FXYD1: variants seen among roughly 807,000 people sequenced by gnomAD.
The protein encoded by FXYD1 is FXYD domain containing ion transport regulator 1, also known as phospholemman.
A neutral mutation model predicts 17.2 loss-of-function variants in FXYD1; 9 were observed. The observed-to-expected ratio is 0.52, with a 90% confidence interval of 0.32 to 0.91. FXYD1 has a LOEUF of 0.91. Ranked by LOEUF, FXYD1 falls within the 40% of genes least tolerant of loss-of-function variation. The pLI is 0.04. For synonymous variants in FXYD1, 55 were observed against 45.8 expected (o/e 1.20, Z -0.81); for missense variants, 113 against 120.6 (o/e 0.94, Z 0.29).
Position 35,141,525 on chromosome 19 carries a change from C to G in FXYD1, c.170-11C>G. ...GGAGCCTCAGCTTCTCCTACCTCTC[C>G]ACGCCCACAGGCAGAAGATGCCGGT... is the stretch of plus-strand genomic sequence containing the variant. On this transcript the variant is annotated splice_polypyrimidine_tract_variant and intron_variant, in intron 4 of 7. Coordinates refer to ENST00000351325, the MANE Select transcript of FXYD1 (RefSeq NM_021902.4). The G allele has an allele frequency of 6.2e-7, 1 of 1,608,702 alleles. No individual in the cohort carries two copies. The highest frequency in any genetic ancestry group is 8.5e-7 in the Non-Finnish European group (1 of 1,177,450).
upstream of FXYD1, chr19:35,137,831 G>C (rs572336609): frequency 6.6e-6 from 1 of 152,180 alleles, no homozygotes; most frequent in African/African-American, 2.4e-5. Context: ...AGCTCTCGTC[G>C]GGTTGGCCAG....
chr19:35,142,717 C>A lies in FXYD1; in HGVS notation c.257-3C>A, dbSNP rs751206657. On this transcript the variant is annotated splice_region_variant and splice_polypyrimidine_tract_variant and intron_variant, in intron 6 of 7. Coordinates refer to ENST00000351325, the MANE Select transcript of FXYD1 (RefSeq NM_021902.4). The stretch of plus-strand genomic sequence containing the variant: ...TGACCCCCGATCTCCGTGTTCCCCC[C>A]AGGTCTGTCCACCCGCAGGCGGTAG... 6 of 1,613,644 alleles carry A rather than the reference C, an allele frequency of 3.7e-6. No homozygotes were observed. Among genetic ancestry groups the A allele is most frequent in the Admixed American group, 1.7e-5 (1 of 59,990 alleles).
Position 35,140,064 on chromosome 19 carries a change from T to C in FXYD1, c.-4-12T>C, listed in dbSNP as rs1324691177. On this transcript the variant is annotated splice_polypyrimidine_tract_variant and intron_variant, in intron 1 of 7. Coordinates refer to ENST00000351325, the MANE Select transcript of FXYD1 (RefSeq NM_021902.4). Reference sequence around the variant, plus strand: ...AGGGCACACACTGCCTAATCCGTGGTGTCCCCCCCAGGACAATGGCGTCTC... The same window carrying C: ...AGGGCACACACTGCCTAATCCGTGGCGTCCCCCCCAGGACAATGGCGTCTC... 6.2e-7 allele frequency: 1 copy of C among 1,611,722 alleles called. No individual in the cohort carries two copies. The highest frequency in any genetic ancestry group is 2.2e-5 in the East Asian group (1 of 44,890).
upstream of FXYD1, among the ~76,000 whole-genome samples, chr19:35,137,239 A>T (rs1448446276): frequency 1.3e-5 from 2 of 152,186 alleles, no homozygotes; most frequent in Non-Finnish European, 2.9e-5. Flanking sequence ...GGGCCATTCC[A>T]GGTTTCCCTG....
chr19:35,141,659 C>A, intron 5 of FXYD1, 87 bp downstream of exon 5: 1 of 1,060,662 alleles, frequency 9.4e-7, no homozygotes, highest in Non-Finnish European at 1.4e-6. Flanking sequence ...GACCCGCAGC[C>A]CGATCCCCGT....
rs1045007892 is a variant in FXYD1 at position 35,142,995 on chromosome 19, C to T, written c.*108C>T. On this transcript the variant is annotated 3_prime_UTR_variant, in exon 8 of 8. Transcript: ENST00000351325. Reference sequence around the variant, plus strand: ...CTCCGCCGCCCCTTCCCCAGCCCTGCCCCCGCAGACTCCCCCTGCCGCCAA... The same window carrying T: ...CTCCGCCGCCCCTTCCCCAGCCCTGTCCCCGCAGACTCCCCCTGCCGCCAA... The T allele has an allele frequency of 1.7e-6, 1 of 576,024 alleles. No individual in the cohort carries two copies. The highest frequency in any genetic ancestry group is 3.1e-6 in the Non-Finnish European group (1 of 325,128). 35.7% of individuals were successfully genotyped at this position (576,024 alleles called of 1,614,324 possible).
chr19:35,142,596 C>T, intron 6 of FXYD1, 75 bp downstream of exon 6: 1 of 1,545,562 alleles, frequency 6.5e-7, no homozygotes, highest in Non-Finnish European at 8.9e-7. Context: ...CCCTCCCTGG[C>T]TGCGTAGAGG....
intron 6 of FXYD1, 46 bp from the exon 7 acceptor site, chr19:35,142,674 G>A (rs1568403645): frequency 1.9e-6 from 3 of 1,607,602 alleles, no homozygotes; most frequent in Non-Finnish European, 2.6e-6. Flanking sequence ...CCCAGGAGCT[G>A]GGGATGCCTC....
At chr19:35,141,462 G>C in intron 4 of FXYD1, 74 bp from the exon 5 acceptor site, 1 of 1,266,456 alleles carries the variant, frequency 7.9e-7, no homozygotes, top group East Asian at 2.5e-5. Context: ...TCGCGAGGGC[G>C]AGCTGGAGCT....
chr19:35,140,069 C>A lies in FXYD1; in HGVS notation c.-4-7C>A. ...ACACACTGCCTAATCCGTGGTGTCC[C>A]CCCCAGGACAATGGCGTCTCTTGGC... On this transcript the variant is annotated splice_polypyrimidine_tract_variant and splice_region_variant and intron_variant, in intron 1 of 7. Coordinates refer to ENST00000351325, the MANE Select transcript of FXYD1 (RefSeq NM_021902.4). The A allele has an allele frequency of 1.2e-6, 2 of 1,612,354 alleles. No individual in the cohort carries two copies. The highest frequency in any genetic ancestry group is 1.7e-6 in the Non-Finnish European group (2 of 1,178,404).
At chr19:35,139,882 G>T in intron 1 of FXYD1, 194 bp from the exon 2 acceptor site, 1 of 572,726 alleles carries the variant, frequency 1.7e-6, no homozygotes, top group Admixed American at 2.8e-5. Flanking sequence ...TGATCCCATC[G>T]TGGAGGTTGT....
chr19:35,140,945 C>T, intron 3 of FXYD1, 187 bp from the exon 4 acceptor site: 1 of 556,988 alleles, frequency 1.8e-6, no homozygotes, highest in Non-Finnish European at 3.2e-6. Flanking sequence ...CCTCCCTTTC[C>T]TATACACCCC....
In FXYD1 at chr19:35,141,206, A is replaced by G. The variant is rs1168198085; in HGVS notation, c.169A>G (p.Ser57Gly). ...LFILGILIVL[S>G]RRCRCKFNQQ... is the part of the protein sequence containing the mutation. ...CATCCTGGGCATCCTCATCGTGCTGAGTGAGTGCCCCTAGCTCCCGCCCTC... is the reference window on the plus strand; with the variant it reads ...CATCCTGGGCATCCTCATCGTGCTGGGTGAGTGCCCCTAGCTCCCGCCCTC... Residue 57 changes from serine to glycine, a missense_variant and splice_region_variant, in exon 4 of 8, where the codon AGC becomes GGC. Ser to Gly is a moderately conservative substitution (Grantham distance 56). Transcript: ENST00000351325. The G allele has an allele frequency of 4.4e-6, 7 of 1,590,396 alleles. No individual in the cohort carries two copies. Among genetic ancestry groups the G allele is most frequent in the Non-Finnish European group, 6.0e-6 (7 of 1,160,664 alleles).
At chr19:35,141,394 T>C (rs915889706) in intron 4 of FXYD1, 142 bp from the exon 5 acceptor site, 22 of 643,474 alleles carry the variant, frequency 3.4e-5, no homozygotes, top group Middle Eastern at 4.3e-4. Flanking sequence ...TACCCTGCCT[T>C]GGTTCCCCGG....
At chr19:35,139,259 C>T (rs917266799) in intron 1 of FXYD1, 1 of 137,490 alleles carries the variant, frequency 7.3e-6, no homozygotes, top group African/African-American at 3.0e-5. Flanking sequence ...ATTCCGGCCC[C>T]ACTGTGTGTG....
At chr19:35,141,024 C>A (rs1195186813) in intron 3 of FXYD1, 108 bp from the exon 4 acceptor site, 4 of 719,436 alleles carry the variant, frequency 5.6e-6, no homozygotes, top group Non-Finnish European at 7.5e-6. Flanking sequence ...TACTTCCCCC[C>A]TTCTGCCTGC....
intron 5 of FXYD1, 68 bp from the exon 6 acceptor site, chr19:35,142,403 TG>T (rs2065264926): frequency 1.6e-5 from 19 of 1,203,550 alleles, no homozygotes; most frequent in Middle Eastern, 1.9e-4. Flanking sequence ...AGGCTTGTAC[TG>T]GGGGGTTCCT....
In FXYD1 at chr19:35,141,171, G is replaced by C; in HGVS notation, c.134G>C (p.Gly45Ala). ...SLQIGGLVIA[G>A]ILFILGILIV... ...CAGATCGGAGGCCTCGTCATCGCCG[G>C]GATCCTCTTCATCCTGGGCATCCTC... The change falls in exon 4 of 8, where the codon GGG becomes GCG. Residue 45 changes from glycine (G) to alanine (A), a missense_variant. Coordinates refer to ENST00000351325, the MANE Select transcript of FXYD1 (RefSeq NM_021902.4). The C allele has an allele frequency of 6.2e-7, 1 of 1,611,254 alleles. No homozygotes were observed. The highest frequency in any genetic ancestry group is 8.5e-7 in the Non-Finnish European group (1 of 1,178,160).
At chr19:35,142,677 G>T in intron 6 of FXYD1, 43 bp from the exon 7 acceptor site, 2 of 1,609,182 alleles carry the variant, frequency 1.2e-6, no homozygotes, top group Non-Finnish European at 1.7e-6. Flanking sequence ...AGGAGCTGGG[G>T]ATGCCTCTCC....
Sources: allele counts gnomAD v4.1 joint callset (sites outside exome capture counted in the v4.1 genomes callset), GRCh38; gene constraint gnomAD v4.1.1; transcripts MANE v1.5; gene names NCBI Gene and HGNC (gene_info 2026-07-23, HGNC 2026-07-21).